Variants in ZNF317 observed in about 807,000 individuals in gnomAD.
ZNF317 encodes the protein KRAB-containing zinc finger protein 317.
A neutral mutation model predicts 23.4 loss-of-function variants in ZNF317; 17 were observed. The observed-to-expected ratio is 0.73, with a 90% CI of 0.50 to 1.09. The LOEUF (loss-of-function observed/expected upper bound fraction) is 1.09, where lower values mean the gene tolerates loss of function less well. Ranked by LOEUF, ZNF317 falls within the 50% of genes least tolerant of loss-of-function variation. ZNF317 has a pLI of 0.00. For missense variants in ZNF317, 679 were observed against 796.7 expected (o/e 0.85, Z 1.78); for synonymous variants, 317 against 314.9 (o/e 1.01, Z -0.07).
At chr19:9,157,209 T>A in intron 3 of ZNF317, 59 bp from the exon 4 acceptor site, 3 of 1,593,818 alleles carry the variant, frequency 1.9e-6, no homozygotes, top group Non-Finnish European at 2.6e-6. Flanking sequence ...CTCAGCCATC[T>A]TACCATGAAC....
At chr19:9,145,539 C>G (rs567028676) in intron 1 of ZNF317, among the ~76,000 whole-genome samples, 4 of 152,312 alleles carry the variant, frequency 2.6e-5, no homozygotes, top group Non-Finnish European at 5.9e-5. Context: ...GTCTTTTTCT[C>G]CTCTGGCTGC....
intron 1 of ZNF317, among the ~76,000 whole-genome samples, chr19:9,152,474 T>C (rs2050744273): frequency 6.6e-6 from 1 of 152,214 alleles, no homozygotes; most frequent in Non-Finnish European, 1.5e-5. Flanking sequence ...ACATTACCCC[T>C]GAACTCCACC....
rs62103612 is a variant in ZNF317 at position 9,140,582 on chromosome 19, T to C, written c.-103T>C. 97,659 of 456,342 alleles carry C rather than the reference T, an allele frequency of 0.21. 11,187 individuals carry two copies. The highest frequency in any genetic ancestry group is 0.34 in the African/African-American group (16,896 of 50,092). 28.3% of individuals were successfully genotyped at this position (456,342 alleles called of 1,614,324 possible). A position where few individuals can be genotyped will look rare whatever the true frequency, so the allele number is the denominator to read the frequency against. ...CGTCACCTCCGCTCCCCCGATCCTA[T>C]TCCCAGTCGTGTAAGCCCTGCTTTC... On this transcript the variant is annotated 5_prime_UTR_variant, in exon 1 of 7. Coordinates refer to ENST00000247956, the MANE Select transcript of ZNF317 (RefSeq NM_020933.5).
At chr19:9,150,272 C>G (rs2050724916) in intron 1 of ZNF317, among the ~76,000 whole-genome samples, 1 of 152,172 alleles carries the variant, frequency 6.6e-6, no homozygotes, top group African/African-American at 2.4e-5. Context: ...GTGAAATCGT[C>G]AGTGGTCATT....
intron 1 of ZNF317, among the ~76,000 whole-genome samples, chr19:9,152,131 C>T (rs185450606): frequency 3.1e-4 from 47 of 152,152 alleles, no homozygotes; most frequent in African/African-American, 7.2e-4. Flanking sequence ...TGGTCTCGAT[C>T]TCCTGACCTC....
chr19:9,153,413 T>C (rs1487456387), intron 1 of ZNF317, among the ~76,000 whole-genome samples: 1 of 152,202 alleles, frequency 6.6e-6, no homozygotes, highest in Non-Finnish European at 1.5e-5. Flanking sequence ...TCCACCCACC[T>C]TGGTCTCCCA....
chr19:9,152,602 G>A (rs535849096), intron 1 of ZNF317, among the ~76,000 whole-genome samples: 3 of 152,202 alleles, frequency 2.0e-5, no homozygotes, highest in African/African-American at 7.2e-5. Flanking sequence ...CTGATGATCT[G>A]TCAGTGTCTC....
In ZNF317 at chr19:9,160,756, T is replaced by C; in HGVS notation, c.1111T>C (p.Phe371Leu). 1 of 1,614,106 alleles carries C rather than the reference T, an allele frequency of 6.2e-7. No individual in the cohort carries two copies. Among genetic ancestry groups the C allele is most frequent in the East Asian group, 2.2e-5 (1 of 44,850 alleles). ...CGCGTGCACGCAGTGCGGCAAAGCC[T>C]TCCGCTGGAAGTCCAACTTTAATTT... ...PYACTQCGKA[F>L]RWKSNFNLHK... The change falls in exon 7 of 7, where the codon TTC becomes CTC. Residue 371 changes from phenylalanine to leucine, a missense_variant. Phe to Leu is a conservative substitution (Grantham distance 22). Coordinates refer to ENST00000247956, the MANE Select transcript of ZNF317 (RefSeq NM_020933.5). The surrounding 1 kb of genome is among the most constrained non-coding windows in gnomAD (Gnocchi z 6.8).
Position 9,156,659 on chromosome 19 carries a change from G to C in ZNF317, c.73G>C (p.Val25Leu). 6.2e-7 allele frequency: 1 copy of C among 1,614,114 alleles called. No homozygotes were observed. The highest frequency in any genetic ancestry group is 8.5e-7 in the Non-Finnish European group (1 of 1,180,010). ...STCLQDSEFP[V>L]SSKDHSCPQN... is the part of the protein sequence containing the mutation. ...CTGTCTCCAGGACTCAGAATTTCCT[G>C]TTTCTTCAAAAGACCATTCCTGTCC... Residue 25 changes from valine (V) to leucine (L), a missense_variant, in exon 3 of 7, where the codon GTT becomes CTT. Coordinates refer to ENST00000247956, the MANE Select transcript of ZNF317 (RefSeq NM_020933.5).
rs1419884213 is a variant in ZNF317 at position 9,161,026 on chromosome 19, C to G, written c.1381C>G (p.Leu461Val). The change falls in exon 7 of 7, where the codon CTC becomes GTC. Residue 461 changes from leucine (L) to valine (V), a missense_variant. Physicochemically the swap from Leu to Val is conservative, Grantham distance 32. Coordinates refer to ENST00000247956, the MANE Select transcript of ZNF317 (RefSeq NM_020933.5). This position sits in a 1 kb window ranked among gnomAD's most constrained non-coding sequence, Gnocchi z 4.0. ...GAAAGCTTTCAGCGCGAGTTCAAAC[C>G]TCACCGCACACAGGAAGATACACAC... Reference protein sequence around the residue: ...CGKAFSASSNLTAHRKIHTQE... With the variant: ...CGKAFSASSNVTAHRKIHTQE... 1 of 1,614,202 alleles carries G rather than the reference C, an allele frequency of 6.2e-7. No individual in the cohort carries two copies. Among genetic ancestry groups the G allele is most frequent in the East Asian group, 2.2e-5 (1 of 44,862 alleles).
chr19:9,149,889 C>T (rs533532073), intron 1 of ZNF317, among the ~76,000 whole-genome samples: 4 of 152,212 alleles, frequency 2.6e-5, no homozygotes, highest in East Asian at 1.9e-4. Flanking sequence ...AGAAGAGAAG[C>T]GATGCCTTAT....
intron 1 of ZNF317, among the ~76,000 whole-genome samples, chr19:9,154,333 T>C (rs992202213): frequency 6.6e-6 from 1 of 152,324 alleles, no homozygotes; most frequent in South Asian, 2.1e-4. Context: ...CATCTGAAAA[T>C]AGGTAAGTTT....
chr19:9,143,385 T>A (rs2050651781), intron 1 of ZNF317, among the ~76,000 whole-genome samples: 1 of 152,150 alleles, frequency 6.6e-6, no homozygotes, highest in Non-Finnish European at 1.5e-5. Context: ...TTTTCTTCCT[T>A]TTTGGGATGT....
Position 9,160,172 on chromosome 19 carries a change from G to T in ZNF317, c.527G>T (p.Gly176Val). The T allele has an allele frequency of 6.2e-7, 1 of 1,614,116 alleles. No individual in the cohort carries two copies. Among genetic ancestry groups the T allele is most frequent in the Non-Finnish European group, 8.5e-7 (1 of 1,180,022 alleles). ...TEYAHLFEVFGMDPHLTQPMG... is the reference protein window; with the variant it reads ...TEYAHLFEVFVMDPHLTQPMG... ...TACGCTCACTTGTTCGAAGTCTTTG[G>T]CATGGACCCTCATCTCACTCAGCCA... Residue 176 changes from glycine to valine, a missense_variant, in exon 7 of 7, where the codon GGC becomes GTC. Physicochemically the swap from Gly to Val is moderately radical, Grantham distance 109. Transcript: ENST00000247956. The surrounding 1 kb of genome is among the most constrained non-coding windows in gnomAD (Gnocchi z 6.8).
rs142755311 is a variant in ZNF317, at chr19:9,160,381, G to A, written c.736G>A (p.Gly246Arg). Residue 246 changes from glycine (G) to arginine (R), a missense_variant, in exon 7 of 7, where the codon GGG becomes AGG. Transcript: ENST00000247956. This position sits in a 1 kb window ranked among gnomAD's most constrained non-coding sequence, Gnocchi z 6.8. ...CACACGGCACAGGAGAATCCACACC[G>A]GGGAGAAGCCTTACGAGTGCAGCGA... ...SLTRHRRIHT[G>R]EKPYECSDCG... 3.2e-5 allele frequency: 51 copies of A among 1,614,222 alleles called. No homozygotes were observed. The highest frequency in any genetic ancestry group is 8.8e-5 in the South Asian group (8 of 91,090).
Position 9,160,141 on chromosome 19 carries a change from A to G in ZNF317, c.496A>G (p.Thr166Ala), listed in dbSNP as rs142660404. ...AAGAGCCGGTCTTGGAGAGAAGTCC[A>G]CTGAATACGCTCACTTGTTCGAAGT... ...MERAGLGEKS[T>A]EYAHLFEVFG... The change falls in exon 7 of 7, where the codon ACT (threonine) becomes GCT (alanine). Residue 166 changes from threonine (T) to alanine (A), a missense_variant. Transcript: ENST00000247956. The surrounding 1 kb of genome is among the most constrained non-coding windows in gnomAD (Gnocchi z 6.8). The G allele has an allele frequency of 9.0e-4, 1,460 of 1,614,168 alleles. 19 individuals are homozygous for G. The highest frequency in any genetic ancestry group is 7.4e-3 in the South Asian group (673 of 91,086).
chr19:9,155,853 CAG>C (rs1421044216), intron 1 of ZNF317, 70 bp from the exon 2 acceptor site: 19 of 816,062 alleles, frequency 2.3e-5, no homozygotes, highest in Middle Eastern at 2.2e-4. Context: ...AAACAAAACT[CAG>C]AGTTTTCTTT....
At position 9,152,520 on chromosome 19, in the gene ZNF317, G is replaced by A. The variant is rs1207413478; in HGVS notation, c.-92-3405G>A. 2.0e-5 allele frequency among the ~76,000 whole-genome samples: 3 copies of A among 152,154 alleles called. No individual in the cohort carries two copies. In the East Asian group the frequency reaches 5.8e-4, roughly 29 times the overall value. The stretch of plus-strand genomic sequence containing the variant: ...TCATCAGCAGCATTAGATTCTCATA[G>A]GGGCGCAGACCCTATTGTGCACTGC... On this transcript the variant is annotated intron_variant, in intron 1 of 6. Transcript: ENST00000247956.
intron 1 of ZNF317, among the ~76,000 whole-genome samples, chr19:9,155,500 G>A (rs1054741734): frequency 6.6e-6 from 1 of 152,162 alleles, no homozygotes. Flanking sequence ...TGGCCCAAGG[G>A]TGTATATGTT....
Sources: allele counts gnomAD v4.1 joint callset (sites outside exome capture counted in the v4.1 genomes callset), GRCh38; gene constraint gnomAD v4.1.1; non-coding constraint Gnocchi (gnomAD v3.1); transcripts MANE v1.5; gene names NCBI Gene and HGNC (gene_info 2026-07-23, HGNC 2026-07-21).